The following GALNT14 variants were observed in gnomAD, a reference collection of about 807,000 sequenced individuals.
GALNT14 encodes the protein UDP-GalNAc:polypeptide N-acetylgalactosaminyltransferase 14.
Under a neutral mutation model 77.5 loss-of-function variants are expected in GALNT14, and 60 were observed. That is an observed-to-expected ratio of 0.77 (90% CI 0.63 to 0.96). The LOEUF is 0.96. Ranked by LOEUF, GALNT14 falls within the 40% of genes least tolerant of loss-of-function variation. The probability of loss-of-function intolerance (pLI) is 0.00; values close to 1 mark genes in which losing one functional copy is unlikely to be tolerated. For missense variants in GALNT14, 710 were observed against 731.0 expected (o/e 0.97, Z 0.33); for synonymous variants, 280 against 281.7 (o/e 0.99, Z 0.06).
intron 1 of GALNT14, among the ~76,000 whole-genome samples, chr2:31,071,523 A>T (rs916170178): frequency 2.0e-5 from 3 of 152,116 alleles, no homozygotes; most frequent in African/African-American, 7.2e-5. Context: ...GCCCACCTAG[A>T]CAGACAGGCA....
intron 1 of GALNT14, chr2:31,129,287 C>T (rs985564553): frequency 2.5e-5 from 17 of 680,482 alleles, no homozygotes; most frequent in African/African-American, 5.9e-5. Context: ...CTCACAAAGT[C>T]GCAGTAAGGA....
intron 1 of GALNT14, among the ~76,000 whole-genome samples, chr2:31,068,386 C>T (rs963959527): frequency 6.6e-6 from 1 of 151,676 alleles, no homozygotes; most frequent in Non-Finnish European, 1.5e-5. Flanking sequence ...ATTCAGGAGG[C>T]TGAGGCACCA....
the GALNT14 span, among the ~76,000 whole-genome samples, chr2:30,889,015 G>A: frequency 8.0e-5 from 12 of 150,296 alleles, no homozygotes; most frequent in South Asian, 2.1e-4. Flanking sequence ...CCAGAATCAC[G>A]AAGATCCCCC....
In GALNT14 at chr2:31,030,810, G is replaced by A. The variant is rs1056457352; in HGVS notation, c.130-37803C>T. Among the ~76,000 whole-genome samples the A allele has an allele frequency of 5.3e-5, 8 of 152,156 alleles. No individual in the cohort carries two copies. The South Asian group carries it at 6.2e-4, about 12-fold the overall frequency. Reference sequence around the variant, plus strand: ...AGAGACAGCCAAGAAGGGCAGAGACGGTACTGATCACCAACTGTCAGCATC... The same window carrying A: ...AGAGACAGCCAAGAAGGGCAGAGACAGTACTGATCACCAACTGTCAGCATC... On this transcript the variant is annotated intron_variant, in intron 1 of 14. Coordinates refer to ENST00000349752, the MANE Select transcript of GALNT14 (RefSeq NM_024572.4).
chr2:31,100,861 C>T (rs1258288463), intron 1 of GALNT14, among the ~76,000 whole-genome samples: 2 of 151,994 alleles, frequency 1.3e-5, no homozygotes. Flanking sequence ...CTTAAGTGAG[C>T]TCAGGACACT....
In GALNT14 at chr2:30,948,980, G is replaced by T. The variant is rs116607358; in HGVS notation, c.655-3110C>A. Reference sequence around the variant, plus strand: ...AGGCTCTGGTGCACTCCTCCTGTAAGCTCTGAGGGGTTCTGTCCTTCTATT... The same window carrying T: ...AGGCTCTGGTGCACTCCTCCTGTAATCTCTGAGGGGTTCTGTCCTTCTATT... On this transcript the variant is annotated intron_variant, in intron 6 of 14. Transcript: ENST00000349752. Among the ~76,000 whole-genome samples, 517 of 152,318 alleles carry T rather than the reference G, an allele frequency of 3.4e-3. 4 individuals are homozygous for T. Among genetic ancestry groups the T allele is most frequent in the African/African-American group, 0.012 (503 of 41,566 alleles).
chr2:31,081,352 G>C (rs1366737245), intron 1 of GALNT14, among the ~76,000 whole-genome samples: 7 of 152,198 alleles, frequency 4.6e-5, no homozygotes, highest in Admixed American at 4.6e-4. Context: ...TTCCAAAGGA[G>C]ACTGATTCAG....
intron 1 of GALNT14, among the ~76,000 whole-genome samples, chr2:31,098,628 C>G (rs1441286932): frequency 1.3e-5 from 2 of 151,944 alleles, no homozygotes; most frequent in East Asian, 1.9e-4. Context: ...TGCGGTTGAC[C>G]CTTGAGCAGT....
At chr2:30,913,376 G>C (rs1664487896) in intron 13 of GALNT14, among the ~76,000 whole-genome samples, 1 of 152,062 alleles carries the variant, frequency 6.6e-6, no homozygotes, top group African/African-American at 2.4e-5. Flanking sequence ...TTACTCATTG[G>C]CTACTTCCCC....
chr2:30,973,347 A>T (rs990285342), intron 2 of GALNT14, among the ~76,000 whole-genome samples: 2 of 152,140 alleles, frequency 1.3e-5, no homozygotes, highest in Non-Finnish European at 2.9e-5. Flanking sequence ...ACCAGCCCCA[A>T]CTCAGAGCCA....
chr2:30,953,830 G>A (rs190377485), intron 6 of GALNT14, among the ~76,000 whole-genome samples: 12 of 152,254 alleles, frequency 7.9e-5, no homozygotes, highest in East Asian at 1.9e-4. Context: ...TTCATTTACC[G>A]GTAGGAAGCA....
intron 1 of GALNT14, among the ~76,000 whole-genome samples, chr2:31,052,160 G>A (rs1333875573): frequency 6.6e-6 from 1 of 152,122 alleles, no homozygotes; most frequent in East Asian, 1.9e-4. Context: ...GTCAGAAGTA[G>A]CACCCAGGAC....
chr2:30,935,901 G>A (rs1262320827), intron 9 of GALNT14, among the ~76,000 whole-genome samples: 1 of 152,170 alleles, frequency 6.6e-6, no homozygotes, highest in African/African-American at 2.4e-5. Flanking sequence ...TAGGGCCTCT[G>A]ATCTTCGAGG....
intron 1 of GALNT14, among the ~76,000 whole-genome samples, chr2:31,128,653 A>G (rs1466269083): frequency 6.6e-6 from 1 of 151,960 alleles, no homozygotes; most frequent in African/African-American, 2.4e-5. Flanking sequence ...GGGAGGTAGT[A>G]GCAGGGCAGC....
intron 1 of GALNT14, among the ~76,000 whole-genome samples, chr2:31,034,833 C>T (rs541181139): frequency 2.0e-5 from 3 of 152,202 alleles, no homozygotes; most frequent in East Asian, 3.9e-4. Context: ...CTAATTTCTC[C>T]TGTGATTTCT....
intron 2 of GALNT14, chr2:30,991,549 G>A (rs1017720319): frequency 3.3e-5 from 5 of 152,186 alleles, no homozygotes; most frequent in Non-Finnish European, 7.3e-5. Flanking sequence ...TTGGCAGTAG[G>A]GGACTGCCAG....
intron 1 of GALNT14, among the ~76,000 whole-genome samples, chr2:31,108,953 G>GT (rs1325703399): frequency 2.6e-5 from 4 of 152,218 alleles, no homozygotes; most frequent in Non-Finnish European, 5.9e-5. Context: ...TCTTGAGAAA[G>GT]TAACTTCCTC....
chr2:30,902,005 T>C, the GALNT14 span, among the ~76,000 whole-genome samples: 1 of 152,188 alleles, frequency 6.6e-6, no homozygotes, highest in Admixed American at 6.5e-5. Context: ...CTACTAAGTG[T>C]GCTAGTCCAG....
chr2:30,940,391 C>T (rs981454305), intron 9 of GALNT14, among the ~76,000 whole-genome samples: 3 of 152,208 alleles, frequency 2.0e-5, no homozygotes, highest in African/African-American at 7.2e-5. Flanking sequence ...AGAAGAATCA[C>T]TTTGTGCAGT....
Sources: gnomAD v4.1 joint callset for allele counts (sites outside exome capture counted in the v4.1 genomes callset) on GRCh38, gnomAD v4.1.1 for gene constraint, MANE v1.5 for transcripts, NCBI Gene and HGNC (gene_info 2026-07-23, HGNC 2026-07-21) for gene names.